LRP1B: variants seen among roughly 807,000 people sequenced by gnomAD.
LRP1B encodes the protein low-density lipoprotein receptor-related protein 1B.
Under a neutral mutation model 556.6 loss-of-function variants are expected in LRP1B, and 217 were observed. The ratio of observed to expected loss-of-function variants is 0.39; its 90% CI spans 0.35 to 0.44. LRP1B has a LOEUF of 0.44. Ranked by LOEUF, LRP1B falls within the 20% of genes least tolerant of loss-of-function variation. The pLI is 1.00. For synonymous variants in LRP1B, 2,047 were observed against 1,865.8 expected (o/e 1.10, Z -2.50); for missense variants, 5,053 against 5,620.8 (o/e 0.90, Z 3.23).
At chr2:141,224,804 C>T (rs981939790) in intron 6 of LRP1B, among the ~76,000 whole-genome samples, 1 of 151,170 alleles carries the variant, frequency 6.6e-6, no homozygotes, top group African/African-American at 2.4e-5. Context: ...ACAACACACA[C>T]TGAGACTGTC....
chr2:141,505,647 G>C (rs1188185651), intron 2 of LRP1B, among the ~76,000 whole-genome samples: 1 of 151,850 alleles, frequency 6.6e-6, no homozygotes, highest in African/African-American at 2.4e-5. Flanking sequence ...TTGTCTTTTA[G>C]TTACCTAGTT....
intron 1 of LRP1B, among the ~76,000 whole-genome samples, chr2:141,891,090 C>G (rs900184618): frequency 1.3e-5 from 2 of 152,078 alleles, no homozygotes; most frequent in Non-Finnish European, 2.9e-5. Context: ...CACTTTACAG[C>G]ATGCCACTGG....
intron 1 of LRP1B, among the ~76,000 whole-genome samples, chr2:141,860,607 G>A (rs1404861607): frequency 1.3e-5 from 2 of 152,018 alleles, no homozygotes; most frequent in African/African-American, 4.8e-5. Context: ...AATAAAAGCA[G>A]AAGATGATAT....
intron 2 of LRP1B, among the ~76,000 whole-genome samples, chr2:141,497,961 A>G (rs1345594223): frequency 7.8e-6 from 1 of 128,932 alleles, no homozygotes; most frequent in Admixed American, 8.0e-5. Context: ...GTCATACGAA[A>G]AAAATGCAGA....
chr2:141,823,627 A>G (rs144471933), intron 1 of LRP1B, among the ~76,000 whole-genome samples: 2 of 152,336 alleles, frequency 1.3e-5, no homozygotes, highest in Admixed American at 1.3e-4. Flanking sequence ...AGAGAATATT[A>G]AATAATAGTT....
intron 2 of LRP1B, among the ~76,000 whole-genome samples, chr2:141,497,287 C>CT (rs1559105457): frequency 1.3e-5 from 2 of 151,892 alleles, no homozygotes; most frequent in Non-Finnish European, 2.9e-5. Context: ...TTTCAAAATA[C>CT]TTTTTTTAGA....
chr2:141,293,438 T>C (rs1413539923), intron 3 of LRP1B, among the ~76,000 whole-genome samples: 1 of 152,148 alleles, frequency 6.6e-6, no homozygotes, highest in African/African-American at 2.4e-5. Context: ...AAGTAACAAT[T>C]CCTGTCTTGA....
chr2:141,008,731 C>T (rs1300026462), intron 14 of LRP1B, among the ~76,000 whole-genome samples: 2 of 151,710 alleles, frequency 1.3e-5, no homozygotes, highest in Non-Finnish European at 1.5e-5. Context: ...GCAAATAGTG[C>T]CCAGCATAGA....
chr2:140,568,729 A>G (rs1470234478), intron 43 of LRP1B, among the ~76,000 whole-genome samples: 1 of 152,122 alleles, frequency 6.6e-6, no homozygotes, highest in Non-Finnish European at 1.5e-5. Context: ...ACAAACTGAA[A>G]GACGACAGTG....
At chr2:141,264,547 C>T (rs115696709) in intron 3 of LRP1B, among the ~76,000 whole-genome samples, 2,039 of 152,196 alleles carry the variant, frequency 0.013, 30 homozygotes, top group African/African-American at 0.039. Context: ...CCTTGTCTCC[C>T]GGCTTCAAGC....
chr2:141,113,762 T>C (rs1461045081), intron 7 of LRP1B, among the ~76,000 whole-genome samples: 1 of 151,834 alleles, frequency 6.6e-6, no homozygotes, highest in Non-Finnish European at 1.5e-5. Flanking sequence ...CAAAAAGCTA[T>C]TAATATTTCC....
At chr2:141,343,974 A>C (rs2105522495) in intron 3 of LRP1B, among the ~76,000 whole-genome samples, 1 of 151,826 alleles carries the variant, frequency 6.6e-6, no homozygotes, top group South Asian at 2.1e-4. Flanking sequence ...GCCTAGAGGA[A>C]CCTCCCCATG....
chr2:140,391,415 T>C (rs897618169), intron 66 of LRP1B, among the ~76,000 whole-genome samples: 1 of 152,120 alleles, frequency 6.6e-6, no homozygotes, highest in Non-Finnish European at 1.5e-5. Context: ...CAGGGAAGTA[T>C]CTGGGTAGAA....
chr2:141,295,420 T>TAG (rs1686142873), intron 3 of LRP1B, among the ~76,000 whole-genome samples: 1 of 152,186 alleles, frequency 6.6e-6, no homozygotes, highest in Non-Finnish European at 1.5e-5. Flanking sequence ...TCACACTGAC[T>TAG]ATCTAAAGTT....
At chr2:141,658,137 GA>G (rs1273155007) in intron 2 of LRP1B, among the ~76,000 whole-genome samples, 5 of 151,960 alleles carry the variant, frequency 3.3e-5, no homozygotes, top group East Asian at 3.9e-4. Flanking sequence ...TCATTTAAAG[GA>G]AAAAAATTAT....
At chr2:140,875,417 T>C (rs888190866) in intron 25 of LRP1B, among the ~76,000 whole-genome samples, 1 of 152,166 alleles carries the variant, frequency 6.6e-6, no homozygotes, top group African/African-American at 2.4e-5. Context: ...ATTTTATAGA[T>C]TGCTTATAAG....
intron 5 of LRP1B, among the ~76,000 whole-genome samples, chr2:141,229,814 G>T (rs1020329908): frequency 1.3e-5 from 2 of 152,102 alleles, no homozygotes; most frequent in Non-Finnish European, 2.9e-5. Context: ...GCAAGGTAAT[G>T]TTTTTTTGAG....
chr2:141,403,753 T>A (rs1049548719), intron 3 of LRP1B, among the ~76,000 whole-genome samples: 5 of 152,154 alleles, frequency 3.3e-5, no homozygotes, highest in African/African-American at 1.2e-4. Context: ...AACGCTCAAG[T>A]ACAATTTTTA....
intron 2 of LRP1B, among the ~76,000 whole-genome samples, chr2:141,743,414 G>C (rs542539361): frequency 1.3e-5 from 2 of 150,704 alleles, no homozygotes; most frequent in East Asian, 3.9e-4. Context: ...GTCTTTGTCT[G>C]CTTTTGGTAT....
Sources: gnomAD v4.1 joint callset for allele counts (sites outside exome capture counted in the v4.1 genomes callset) on GRCh38, gnomAD v4.1.1 for gene constraint, MANE v1.5 for transcripts, NCBI Gene and HGNC (gene_info 2026-07-23, HGNC 2026-07-21) for gene names.